MAN2B1: variants seen among roughly 807,000 people sequenced by gnomAD.
The protein encoded by MAN2B1 is lysosomal alpha-mannosidase.
In MAN2B1, 99 loss-of-function variants were observed where a neutral mutation model predicts 127.5. The observed-to-expected ratio is 0.78, with a 90% CI of 0.66 to 0.92. MAN2B1 has a LOEUF of 0.92. Among genes scored for constraint, MAN2B1 ranks in the 40% least tolerant of loss-of-function variants. The pLI, the probability that MAN2B1 is intolerant of heterozygous loss-of-function variation, is 0.00. For synonymous variants in MAN2B1, 573 were observed against 568.8 expected (o/e 1.01, Z -0.11); for missense variants, 1,304 against 1,384.8 (o/e 0.94, Z 0.93).
At chr19:12,665,551 C>T (rs999361759) in intron 2 of MAN2B1, 26 bp from the exon 3 acceptor site, 2 of 1,613,308 alleles carry the variant, frequency 1.2e-6, no homozygotes, top group African/African-American at 2.7e-5. Context: ...ATAAGGCTCT[C>T]AGGGAACAGC....
intron 20 of MAN2B1, 145 bp downstream of exon 20, chr19:12,648,991 G>A (rs1599340385): frequency 1.5e-5 from 11 of 725,104 alleles, no homozygotes; most frequent in Non-Finnish European, 2.7e-5. Context: ...GCAAAACTCC[G>A]TCTCAAAGAG....
intron 5 of MAN2B1, 66 bp from the exon 6 acceptor site, chr19:12,663,528 C>T (rs1050222003): frequency 1.3e-6 from 2 of 1,599,846 alleles, no homozygotes; most frequent in Non-Finnish European, 8.5e-7. Context: ...CAAAGCCGGC[C>T]ATGTCCCACC....
chr19:12,649,224 T>C lies in MAN2B1; in HGVS notation c.2356-8A>G, dbSNP rs2023776285. 2.5e-6 allele frequency: 4 copies of C among 1,613,024 alleles called. No homozygotes were observed. Among genetic ancestry groups the C allele is most frequent in the African/African-American group, 1.3e-5 (1 of 74,708 alleles). ...CAGCTGCATGTTTCCATCCTGGGAG[T>C]TGAAGGGTGAAAGTAGAGGGCAGTC... On this transcript the variant is annotated splice_polypyrimidine_tract_variant and splice_region_variant and intron_variant, in intron 19 of 23. Coordinates refer to ENST00000456935, the MANE Select transcript of MAN2B1 (RefSeq NM_000528.4).
rs754733253 is a variant in MAN2B1 at position 12,647,481 on chromosome 19, C to T, written c.2782G>A (p.Gly928Arg). Reference sequence around the variant, plus strand: ...GTAACGGGGGCGCTCAGGTTACGTCCGGAATCCTCTCCTACGGCAAACTGG... The same window carrying T: ...GTAACGGGGGCGCTCAGGTTACGTCTGGAATCCTCTCCTACGGCAAACTGG... ...EHQFAVGEDS[G>R]RNLSAPVTLN... Residue 928 changes from glycine to arginine, a missense_variant, in exon 22 of 24, where the codon GGA becomes AGA. Transcript: ENST00000456935. This position sits in a 1 kb window ranked among gnomAD's most constrained non-coding sequence, Gnocchi z 4.9. 1.2e-5 allele frequency: 19 copies of T among 1,614,228 alleles called. No individual in the cohort carries two copies. The highest frequency in any genetic ancestry group is 2.2e-5 in the East Asian group (1 of 44,882).
chr19:12,646,814 T>C, intron 23 of MAN2B1, 82 bp from the exon 24 acceptor site: 2 of 968,266 alleles, frequency 2.1e-6, no homozygotes. Flanking sequence ...CCCCTGGGTC[T>C]AGACACAGCT....
In MAN2B1 at chr19:12,664,763, G is replaced by A. The variant is rs144337367; in HGVS notation, c.630+29C>T. 4,029 of 1,603,356 alleles carry A rather than the reference G, an allele frequency of 2.5e-3. 36 individuals are homozygous for A. The highest frequency in any genetic ancestry group is 0.023 in the Middle Eastern group (140 of 6,054). ...GGGAGGAGCCAGAGTGAGTGAAGAA[G>A]TGGGCCCAAGAGAGGTCCCGGGTCG... On this transcript the variant is annotated intron_variant, in intron 4 of 23. Transcript: ENST00000456935.
chr19:12,663,559 G>A (rs1167155213), intron 5 of MAN2B1, 97 bp from the exon 6 acceptor site: 1 of 1,568,042 alleles, frequency 6.4e-7, no homozygotes, highest in Non-Finnish European at 8.7e-7. Flanking sequence ...TTCAGAATTT[G>A]TGTCCCAATG....
intron 13 of MAN2B1, chr19:12,656,356 CAAA>C (rs372686781): frequency 0.01 from 3,969 of 382,744 alleles, no homozygotes; most frequent in South Asian, 0.013. Flanking sequence ...GACTCCGTCT[CAAA>C]AAAAAAAAAA....
chr19:12,658,211 G>A lies in MAN2B1; in HGVS notation c.1230+13C>T, dbSNP rs759000191. ...CGGGGCTGCATGCCCCCTCTAGCCCGGCTCCTACCCACCTGCAGGAAGTTG... is the reference window on the plus strand; with the variant it reads ...CGGGGCTGCATGCCCCCTCTAGCCCAGCTCCTACCCACCTGCAGGAAGTTG... On this transcript the variant is annotated intron_variant, in intron 9 of 23. Transcript: ENST00000456935. 49 of 1,613,902 alleles carry A rather than the reference G, an allele frequency of 3.0e-5. No homozygotes were observed. Among genetic ancestry groups the A allele is most frequent in the Non-Finnish European group, 4.1e-5 (48 of 1,179,962 alleles).
At chr19:12,653,109 C>T (rs1423750933) in intron 14 of MAN2B1, among the ~76,000 whole-genome samples, 2 of 149,156 alleles carry the variant, frequency 1.3e-5, no homozygotes, top group Non-Finnish European at 3.0e-5. Context: ...GCTGGGATTA[C>T]AGGCGTGAGC....
chr19:12,647,710 G>A lies in MAN2B1; in HGVS notation c.2665-112C>T, dbSNP rs1568297453. On this transcript the variant is annotated intron_variant, in intron 21 of 23. Transcript: ENST00000456935. The surrounding 1 kb of genome is among the most constrained non-coding windows in gnomAD (Gnocchi z 4.9). ...TAGGTTGTAGGGGCGGGGTTTCGCC[G>A]GAGAGGGGCAAGGCTCAGCCGAGAG... is the stretch of plus-strand genomic sequence containing the variant. 4 of 863,632 alleles carry A rather than the reference G, an allele frequency of 4.6e-6. No individual in the cohort carries two copies. Among genetic ancestry groups the A allele is most frequent in the African/African-American group, 3.4e-5 (2 of 59,264 alleles). The allele number at this position is 863,632 out of a possible 1,614,324, so 53.5% of individuals were successfully genotyped here.
At chr19:12,655,615 G>T in intron 14 of MAN2B1, 79 bp downstream of exon 14, 1 of 1,456,578 alleles carries the variant, frequency 6.9e-7, no homozygotes, top group Non-Finnish European at 9.4e-7. Flanking sequence ...GGGACCTGCT[G>T]ACCCAGAGTC....
intron 12 of MAN2B1, 30 bp downstream of exon 12, chr19:12,656,919 C>G (rs371385978): frequency 2.6e-6 from 4 of 1,564,054 alleles, no homozygotes. Context: ...GCCCATCTGC[C>G]CTAGATCCAC....
In MAN2B1 at chr19:12,661,838, A is replaced by G. The variant is rs535416816; in HGVS notation, c.910-462T>C. Among the ~76,000 whole-genome samples the G allele has an allele frequency of 2.5e-3, 361 of 146,482 alleles. 5 individuals are homozygous for G. The highest frequency in any genetic ancestry group is 9.1e-3 in the African/African-American group (335 of 36,696). On this transcript the variant is annotated intron_variant, in intron 6 of 23. Transcript: ENST00000456935. Reference sequence around the variant, plus strand: ...CCCTGTCTCAAGAAAAAAAAAAAAAATTAATCTAAAACAATTTTTTTTTTG... The same window carrying G: ...CCCTGTCTCAAGAAAAAAAAAAAAAGTTAATCTAAAACAATTTTTTTTTTG...
chr19:12,652,514 C>CT, intron 14 of MAN2B1, 54 bp from the exon 15 acceptor site: 2 of 1,166,594 alleles, frequency 1.7e-6, no homozygotes, highest in Non-Finnish European at 2.5e-6. Context: ...TGTGTGTTTT[C>CT]TTTTTTTAAT....
chr19:12,648,143 C>G (rs991714132), intron 21 of MAN2B1, 32 bp downstream of exon 21: 4 of 1,518,176 alleles, frequency 2.6e-6, no homozygotes, highest in Non-Finnish European at 3.5e-6. Context: ...GACTTCAATC[C>G]GGTCCTCTCT....
At chr19:12,650,078 C>A (rs373800486) in intron 17 of MAN2B1, 26 bp downstream of exon 17, 1 of 1,611,646 alleles carries the variant, frequency 6.2e-7, no homozygotes, top group Non-Finnish European at 8.5e-7. Flanking sequence ...TGCTTCCACA[C>A]CCCTCTCCCA....
chr19:12,647,433 C>T lies in MAN2B1; in HGVS notation c.2820+10G>A, dbSNP rs2145221057. 1 of 1,614,138 alleles carries T rather than the reference C, an allele frequency of 6.2e-7. No individual in the cohort carries two copies. The stretch of plus-strand genomic sequence containing the variant: ...CTCTCCGATCTCCTTCTCAATTTTG[C>T]CCTTCTCACCCTCAAGTTCAAGGTA... On this transcript the variant is annotated intron_variant, in intron 22 of 23. Coordinates refer to ENST00000456935, the MANE Select transcript of MAN2B1 (RefSeq NM_000528.4). The surrounding 1 kb of genome is among the most constrained non-coding windows in gnomAD (Gnocchi z 4.9).
In MAN2B1 at chr19:12,665,373, C is replaced by T. The variant is rs757860525; in HGVS notation, c.415G>A (p.Val139Met). Residue 139 changes from valine (V) to methionine (M), a missense_variant, in exon 3 of 24, where the codon GTG becomes ATG. Coordinates refer to ENST00000456935, the MANE Select transcript of MAN2B1 (RefSeq NM_000528.4). ...TCACCCTGGCGCACAAGGTCTCGCA[C>T]GACTTCCTGTGTGGCATTTGTCTGC... The part of the protein sequence containing the change: ...HQQTNATQEV[V>M]RDLVRQGRLE... The T allele has an allele frequency of 5.0e-6, 8 of 1,608,656 alleles. No homozygotes were observed. Among genetic ancestry groups the T allele is most frequent in the East Asian group, 2.2e-5 (1 of 44,892 alleles).
Sources: gnomAD v4.1 joint callset for allele counts (sites outside exome capture counted in the v4.1 genomes callset) on GRCh38, gnomAD v4.1.1 for gene constraint, Gnocchi (gnomAD v3.1) non-coding constraint, MANE v1.5 for transcripts, NCBI Gene and HGNC (gene_info 2026-07-23, HGNC 2026-07-21) for gene names.